ACTN4: variants seen among roughly 807,000 people sequenced by gnomAD.
ACTN4 encodes the protein alpha-actinin-4.
A neutral mutation model predicts 114.2 loss-of-function variants in ACTN4; 18 were observed. That is an observed-to-expected ratio of 0.16 (90% confidence interval 0.11 to 0.23). The LOEUF is 0.23. ACTN4 is among the 10% of genes least tolerant of loss of function. The probability of loss-of-function intolerance (pLI) is 1.00; values close to 1 mark genes in which losing one functional copy is unlikely to be tolerated. For synonymous variants in ACTN4, 515 were observed against 506.3 expected (o/e 1.02, Z -0.23); for missense variants, 722 against 1,262.9 (o/e 0.57, Z 6.49).
chr19:38,701,757 C>T (rs1163280780), intron 3 of ACTN4, among the ~76,000 whole-genome samples: 3 of 152,242 alleles, frequency 2.0e-5, no homozygotes, highest in Admixed American at 6.5e-5. Flanking sequence ...AGCTCCCAGG[C>T]GCTTTTAGAG....
chr19:38,712,172 G>A (rs1968677901), intron 8 of ACTN4, among the ~76,000 whole-genome samples: 1 of 152,196 alleles, frequency 6.6e-6, no homozygotes, highest in Admixed American at 6.5e-5. Flanking sequence ...ACCCCCAGGA[G>A]GGCTAGGCGC....
chr19:38,650,243 C>T (rs1415787548), intron 1 of ACTN4, among the ~76,000 whole-genome samples: 2 of 152,120 alleles, frequency 1.3e-5, no homozygotes, highest in East Asian at 3.9e-4. Context: ...TTCTGCCACT[C>T]CTCAAGTGAC....
At chr19:38,672,096 G>A (rs1967146226) in intron 1 of ACTN4, among the ~76,000 whole-genome samples, 1 of 152,102 alleles carries the variant, frequency 6.6e-6, no homozygotes, top group African/African-American at 2.4e-5. Context: ...ATACTACAGC[G>A]ATTAGGATGA....
intron 1 of ACTN4, among the ~76,000 whole-genome samples, chr19:38,695,599 G>A (rs1968066536): frequency 6.6e-6 from 1 of 152,016 alleles, no homozygotes. Context: ...TGCATGGCAG[G>A]GACAGCATGA....
intron 11 of ACTN4, 55 bp downstream of exon 11, chr19:38,718,129 GTC>G: frequency 1.9e-6 from 3 of 1,563,932 alleles, no homozygotes; most frequent in Non-Finnish European, 2.6e-6. Context: ...CTCCCCTCCT[GTC>G]TCTCAGGCAT....
chr19:38,705,450 C>T (rs562475156), intron 4 of ACTN4, among the ~76,000 whole-genome samples: 142 of 152,336 alleles, frequency 9.3e-4, no homozygotes, highest in African/African-American at 3.3e-3. Flanking sequence ...TGGACAATTT[C>T]GCTTCCCTGC....
chr19:38,676,474 A>G (rs1967378378), intron 1 of ACTN4, among the ~76,000 whole-genome samples: 2 of 152,196 alleles, frequency 1.3e-5, no homozygotes, highest in Admixed American at 1.3e-4. Context: ...GTGTCCTGCG[A>G]CTGGGCTGGA....
intron 1 of ACTN4, among the ~76,000 whole-genome samples, chr19:38,700,166 C>T (rs535562851): frequency 1.8e-4 from 27 of 152,168 alleles, no homozygotes; most frequent in African/African-American, 5.1e-4. Context: ...GGCAGGAGCC[C>T]GACCTGTTCA....
At chr19:38,710,135 C>A in intron 7 of ACTN4, 122 bp from the exon 8 acceptor site, 1 of 995,008 alleles carries the variant, frequency 1.0e-6, no homozygotes, top group Non-Finnish European at 1.6e-6. Context: ...ACCCAAGTCA[C>A]GCGTCACTCT....
chr19:38,685,325 G>C (rs1967708495), intron 1 of ACTN4, among the ~76,000 whole-genome samples: 1 of 152,186 alleles, frequency 6.6e-6, no homozygotes, highest in African/African-American at 2.4e-5. Context: ...GGCAAGTTTA[G>C]GTAACTCTTA....
At position 38,717,557 on chromosome 19, in the gene ACTN4, G is replaced by A. The variant is rs981676388; in HGVS notation, c.1143+241G>A. ...TATACGCATCCCAAATCCTTGCCAC[G>A]GGTTGTGTGGGTGTGGAGTGGTGTG... On this transcript the variant is annotated intron_variant, in intron 10 of 20. Transcript: ENST00000252699. The surrounding 1 kb of genome is among the most constrained non-coding windows in gnomAD (Gnocchi z 4.0). Among the ~76,000 whole-genome samples the A allele has an allele frequency of 2.6e-5, 4 of 152,056 alleles. No individual in the cohort carries two copies. Among genetic ancestry groups the A allele is most frequent in the Non-Finnish European group, 5.9e-5 (4 of 68,024 alleles).
At chr19:38,651,018 C>A (rs543190362) in intron 1 of ACTN4, among the ~76,000 whole-genome samples, 1 of 152,302 alleles carries the variant, frequency 6.6e-6, no homozygotes, top group South Asian at 2.1e-4. Context: ...CAGGAGTGAG[C>A]CACTGCACCC....
At chr19:38,714,609 C>A in intron 9 of ACTN4, 48 bp downstream of exon 9, 1 of 1,580,296 alleles carries the variant, frequency 6.3e-7, no homozygotes, top group Non-Finnish European at 8.7e-7. Context: ...TATCCTCAGC[C>A]AGAGGTCACT....
At chr19:38,702,091 C>T (rs1268169108) in intron 3 of ACTN4, among the ~76,000 whole-genome samples, 2 of 152,214 alleles carry the variant, frequency 1.3e-5, no homozygotes, top group African/African-American at 2.4e-5. Context: ...TCTGTCCTTG[C>T]ATGGGTCTTT....
At position 38,663,016 on chromosome 19, in the gene ACTN4, T is replaced by A. The variant is rs554564693; in HGVS notation, c.162+15109T>A. Among the ~76,000 whole-genome samples the A allele has an allele frequency of 2.6e-5, 4 of 152,158 alleles. No individual in the cohort carries two copies. The East Asian group carries it at 7.7e-4, about 29-fold the overall frequency. On this transcript the variant is annotated intron_variant, in intron 1 of 20. Transcript: ENST00000252699. The stretch of plus-strand genomic sequence containing the variant: ...CTTCCGCCTCCTGGGTTCAAGTGAT[T>A]CTTCTGCTTCAGCCTCCCAAGTAGC...
At chr19:38,683,539 A>G (rs1313087179) in intron 1 of ACTN4, among the ~76,000 whole-genome samples, 3 of 152,196 alleles carry the variant, frequency 2.0e-5, no homozygotes, top group Non-Finnish European at 1.5e-5. Context: ...CCCACAGGCC[A>G]CCAACTTTTC....
intron 8 of ACTN4, among the ~76,000 whole-genome samples, chr19:38,713,338 C>T (rs996528263): frequency 4.6e-5 from 7 of 152,224 alleles, no homozygotes; most frequent in Non-Finnish European, 5.9e-5. Context: ...GCCCCGTGCT[C>T]ACAGAGAGGA....
chr19:38,664,297 A>T (rs1052628235), intron 1 of ACTN4, among the ~76,000 whole-genome samples: 1 of 151,604 alleles, frequency 6.6e-6, no homozygotes. Context: ...TTTTTTTTTA[A>T]ACTCATTCAG....
intron 1 of ACTN4, among the ~76,000 whole-genome samples, chr19:38,679,562 G>GGTGTGTGTGT (rs752412184): frequency 3.5e-4 from 34 of 96,402 alleles, no homozygotes; most frequent in African/African-American, 6.3e-4. Context: ...AATAGATTTG[G>GGTGTGTGTGT]GTGTGCGTGT....
Sources: gnomAD v4.1 joint callset for allele counts (sites outside exome capture counted in the v4.1 genomes callset) on GRCh38, gnomAD v4.1.1 for gene constraint, Gnocchi (gnomAD v3.1) non-coding constraint, MANE v1.5 for transcripts, NCBI Gene and HGNC (gene_info 2026-07-23, HGNC 2026-07-21) for gene names.